Variants in VPS52 observed in about 807,000 individuals in gnomAD.
VPS52 encodes the protein VPS52 subunit of GARP complex.
A neutral mutation model predicts 98.7 loss-of-function variants in VPS52; 56 were observed. The observed-to-expected ratio is 0.57, with a 90% CI of 0.46 to 0.71. The LOEUF is 0.71. VPS52 is among the 30% of genes least tolerant of loss of function. The probability of loss-of-function intolerance (pLI) is 0.00; values close to 1 mark genes in which losing one functional copy is unlikely to be tolerated. For synonymous variants in VPS52, 348 were observed against 346.4 expected (o/e 1.00, Z -0.05); for missense variants, 742 against 925.9 (o/e 0.80, Z 2.58).
At chr6:33,266,785 G>A in intron 11 of VPS52, 73 bp from the exon 12 acceptor site, 1 of 1,528,970 alleles carries the variant, frequency 6.5e-7, no homozygotes, top group Non-Finnish European at 8.8e-7. Flanking sequence ...GATATGGCTG[G>A]AAAATCAGTA....
At position 33,264,447 on chromosome 6, in the gene VPS52, AG is replaced by A; in HGVS notation, c.1450del (p.Leu484TrpfsTer3). On this transcript the variant is annotated frameshift_variant, in exon 14 of 20. Coordinates refer to ENST00000445902, the MANE Select transcript of VPS52 (RefSeq NM_022553.6). LOFTEE classifies it high-confidence loss of function. ...ALLWPRFELILEMNVQSVRST... is the reference protein window; with the variant it reads ...ALLWPRFELIXEMNVQSVRST... The stretch of plus-strand genomic sequence containing the variant: ...TCGGACGCTCTGAACATTCATCTCC[AG>A]GATCAGTTCAAACCGTGGCCATAGC... 1 of 1,614,146 alleles carries A rather than the reference AG, an allele frequency of 6.2e-7. No homozygotes were observed. Among genetic ancestry groups the A allele is most frequent in the Non-Finnish European group, 8.5e-7 (1 of 1,180,032 alleles).
chr6:33,265,837 C>A (rs931703343), intron 12 of VPS52, among the ~76,000 whole-genome samples: 1 of 137,400 alleles, frequency 7.3e-6, no homozygotes, highest in African/African-American at 2.5e-5. Flanking sequence ...CTGAGGATTT[C>A]ATGGGGGAGT....
In VPS52 at chr6:33,270,375, AGCTG is replaced by A. The variant is rs779314878; in HGVS notation, c.91-96_91-93del. Reference sequence around the variant, plus strand: ...ATCCCCAGTCCTTCAAGTGAGAAGGAGCTGCTTTTACTGGGAGCCACAGGTACTG... The same window carrying A: ...ATCCCCAGTCCTTCAAGTGAGAAGGACTTTTACTGGGAGCCACAGGTACTG... On this transcript the variant is annotated intron_variant, in intron 1 of 19. Coordinates refer to ENST00000445902, the MANE Select transcript of VPS52 (RefSeq NM_022553.6). 9.7e-6 allele frequency: 12 copies of A among 1,237,810 alleles called. No individual in the cohort carries two copies. The East Asian group carries it at 1.9e-4, about 19-fold the overall frequency. The allele number at this position is 1,237,810 out of a possible 1,614,324, so 76.7% of individuals were successfully genotyped here.
Position 33,250,838 on chromosome 6 carries a change from A to C in VPS52, c.*3T>G, listed in dbSNP as rs1376509493. 6.2e-7 allele frequency: 1 copy of C among 1,609,018 alleles called. No individual in the cohort carries two copies. The highest frequency in any genetic ancestry group is 8.5e-7 in the Non-Finnish European group (1 of 1,176,810). ...GGCAGATCTCAGGGCGGTTTCTGGC[A>C]CATCAGAAGTTGGGCTTATGCTTCT... is the stretch of plus-strand genomic sequence containing the variant. On this transcript the variant is annotated 3_prime_UTR_variant, in exon 20 of 20. Coordinates refer to ENST00000445902, the MANE Select transcript of VPS52 (RefSeq NM_022553.6).
chr6:33,270,290 A>G lies in VPS52; in HGVS notation c.91-7T>C. On this transcript the variant is annotated splice_polypyrimidine_tract_variant and splice_region_variant and intron_variant, in intron 1 of 19. Transcript: ENST00000445902. ...GGAGCCCAGGACCACCCGCCTGGAA[A>G]GGGATAAGTTAATGGGAGTAGGGTA... 1.9e-6 allele frequency: 3 copies of G among 1,610,564 alleles called. No homozygotes were observed. Among genetic ancestry groups the G allele is most frequent in the Non-Finnish European group, 2.5e-6 (3 of 1,177,026 alleles).
Position 33,268,606 on chromosome 6 carries a change from G to T in VPS52, c.592C>A (p.Gln198Lys). The change falls in exon 7 of 20, where the codon CAG (glutamine) becomes AAG (lysine). Residue 198 changes from glutamine to lysine, a missense_variant. Physicochemically the swap from Gln to Lys is moderately conservative, Grantham distance 53. Around this residue, in one of 2 missense-constraint regions of VPS52, gnomAD observed 590 missense variants for 793.3 expected, o/e 0.74. Transcript: ENST00000445902. This position sits in a 1 kb window ranked among gnomAD's most constrained non-coding sequence, Gnocchi z 4.0. ...APVTEPRFLE[Q>K]LQELDAKAAA... ...GCCTTGGCATCCAGCTCCTGTAGCT[G>T]CTCCAAGAACCTGGGCTCTGTCACT... 1 of 1,610,178 alleles carries T rather than the reference G, an allele frequency of 6.2e-7. No individual in the cohort carries two copies.
Position 33,263,473 on chromosome 6 carries a change from C to T in VPS52, c.1794+11G>A. ...AGAAGGCTGTCTCTTCCCTTTTCCC[C>T]ACACCCCTACCTGTGTCCGAGCATT... On this transcript the variant is annotated intron_variant, in intron 17 of 19. Coordinates refer to ENST00000445902, the MANE Select transcript of VPS52 (RefSeq NM_022553.6). The T allele has an allele frequency of 1.2e-6, 2 of 1,613,448 alleles. No individual in the cohort carries two copies. Among genetic ancestry groups the T allele is most frequent in the Non-Finnish European group, 8.5e-7 (1 of 1,179,918 alleles).
intron 17 of VPS52, among the ~76,000 whole-genome samples, chr6:33,261,636 C>G (rs922369402): frequency 2.3e-4 from 35 of 152,080 alleles, no homozygotes; most frequent in Non-Finnish European, 3.4e-4. Flanking sequence ...TACAAGAAAA[C>G]ACTGGGGAAA....
In VPS52 at chr6:33,250,945, G is replaced by A. The variant is rs1762154542; in HGVS notation, c.2068C>T (p.Arg690Trp). The A allele has an allele frequency of 7.4e-6, 12 of 1,612,916 alleles. No homozygotes were observed. The highest frequency in any genetic ancestry group is 4.0e-5 in the African/African-American group (3 of 74,912). ...CGGAGCTGCGGCTGGGACAGCACCC[G>A]GTGGAAGCGATGATAGAGCTGGATC... Reference protein sequence around the residue: ...QLIQLYHRFHRVLSQPQLRAL... With the variant: ...QLIQLYHRFHWVLSQPQLRAL... The change falls in exon 20 of 20, where the codon CGG becomes TGG. Residue 690 changes from arginine (R) to tryptophan (W), a missense_variant. Physicochemically the swap from Arg to Trp is moderately radical, Grantham distance 101. Coordinates refer to ENST00000445902, the MANE Select transcript of VPS52 (RefSeq NM_022553.6).
intron 17 of VPS52, among the ~76,000 whole-genome samples, chr6:33,261,485 A>G (rs1216336082): frequency 6.6e-6 from 1 of 151,862 alleles, no homozygotes; most frequent in Admixed American, 6.6e-5. Flanking sequence ...AAAAAGAGAG[A>G]TAGTCTCTTC....
chr6:33,269,088 A>G lies in VPS52; in HGVS notation c.474T>C (p.Leu158=), dbSNP rs1463203533. The G allele has an allele frequency of 6.2e-7, 1 of 1,612,880 alleles. No homozygotes were observed. Among genetic ancestry groups the G allele is most frequent in the Admixed American group, 1.7e-5 (1 of 60,006 alleles). The part of the protein sequence containing the change: ...QEQSGAMNIR[L]RNRQAVRGKL... ...TCCCCCGAACTGCCTGGCGATTTCG[A>G]AGTCGAATGTTCATGGCTCCTGACT... Residue 158 remains leucine (L), a synonymous_variant, in exon 6 of 20, where the codon CTT becomes CTC. Transcript: ENST00000445902.
At chr6:33,269,374 A>G in intron 5 of VPS52, 116 bp downstream of exon 5, 1 of 1,474,688 alleles carries the variant, frequency 6.8e-7, no homozygotes, top group Non-Finnish European at 9.4e-7. Context: ...TCCTGAAGTC[A>G]TCTTGAAAAT....
chr6:33,252,039 T>C (rs1762323714), intron 17 of VPS52, 68 bp from the exon 18 acceptor site: 1 of 1,299,370 alleles, frequency 7.7e-7, no homozygotes, highest in Non-Finnish European at 1.1e-6. Context: ...TCTGGCATCA[T>C]GACTAATGTA....
intron 12 of VPS52, 107 bp from the exon 13 acceptor site, chr6:33,265,007 G>T: frequency 1.1e-6 from 1 of 949,452 alleles, no homozygotes; most frequent in Non-Finnish European, 1.7e-6. Flanking sequence ...GCACTGGACA[G>T]GACAGAAGGG....
chr6:33,269,432 CAG>C, intron 5 of VPS52, 56 bp downstream of exon 5: 1 of 1,607,710 alleles, frequency 6.2e-7, no homozygotes. Flanking sequence ...AAAATGGCAC[CAG>C]AGTCCATGAT....
At chr6:33,260,617 T>C (rs1763514374) in intron 17 of VPS52, among the ~76,000 whole-genome samples, 1 of 152,208 alleles carries the variant, frequency 6.6e-6, no homozygotes, top group Admixed American at 6.6e-5. Context: ...TCTTGCTTTT[T>C]TCCCCCTTTT....
intron 17 of VPS52, among the ~76,000 whole-genome samples, chr6:33,258,099 A>T (rs544935901): frequency 1.4e-4 from 22 of 152,122 alleles, no homozygotes; most frequent in African/African-American, 5.1e-4. Flanking sequence ...AACATTAAAA[A>T]AACAAAGGCT....
chr6:33,270,282 G>A lies in VPS52; in HGVS notation c.92C>T (p.Ala31Val), dbSNP rs201244178. 1.5e-4 allele frequency: 240 copies of A among 1,610,592 alleles called. No homozygotes were observed. The highest frequency in any genetic ancestry group is 1.9e-4 in the Non-Finnish European group (223 of 1,177,176). Reference protein sequence around the residue: ...SDMEEEEGPLAGGPGLQEPLQ... With the variant: ...SDMEEEEGPLVGGPGLQEPLQ... ...TGGTTCCTGGAGCCCAGGACCACCC[G>A]CCTGGAAAGGGATAAGTTAATGGGA... The change falls in exon 2 of 20, where the codon GCG becomes GTG. Residue 31 changes from alanine to valine, a missense_variant and splice_region_variant. Physicochemically the swap from Ala to Val is moderately conservative, Grantham distance 64 (BLOSUM62 0). Around this residue, in one of 2 missense-constraint regions of VPS52, gnomAD observed 152 missense variants for 132.6 expected, o/e 1.15. Transcript: ENST00000445902.
At chr6:33,263,457 T>A (rs1763912545) in intron 17 of VPS52, 27 bp downstream of exon 17, 1 of 1,601,038 alleles carries the variant, frequency 6.2e-7, no homozygotes, top group Admixed American at 1.7e-5. Context: ...CAGAAGGCTG[T>A]CTCTTCCCTT....
Sources: allele counts gnomAD v4.1 joint callset (sites outside exome capture counted in the v4.1 genomes callset), GRCh38; gene constraint gnomAD v4.1.1; regional missense constraint gnomAD v4.1.1; non-coding constraint Gnocchi (gnomAD v3.1); transcripts MANE v1.5; gene names NCBI Gene and HGNC (gene_info 2026-07-23, HGNC 2026-07-21).